ICE1: variants seen among roughly 807,000 people sequenced by gnomAD.
The protein encoded by ICE1 is little elongation complex subunit 1.
In ICE1, 64 loss-of-function variants were observed where a neutral mutation model predicts 192.7. The observed-to-expected ratio is 0.33, with a 90% CI of 0.27 to 0.41. The LOEUF (loss-of-function observed/expected upper bound fraction) is 0.41, where lower values mean the gene tolerates loss of function less well. Among genes scored for constraint, ICE1 ranks in the 10% least tolerant of loss-of-function variants. The pLI is 1.00. For missense variants in ICE1, 2,708 were observed against 2,696.0 expected (o/e 1.00, Z -0.10); for synonymous variants, 1,010 against 984.5 (o/e 1.03, Z -0.49).
chr5:5,452,220 G>A (rs181307077), intron 10 of ICE1, among the ~76,000 whole-genome samples: 45 of 133,020 alleles, frequency 3.4e-4, no homozygotes, highest in Non-Finnish European at 4.9e-4. Context: ...CAGAATAAAT[G>A]CAGAAGAGTA....
intron 11 of ICE1, among the ~76,000 whole-genome samples, chr5:5,455,339 G>C (rs1382911833): frequency 6.6e-6 from 1 of 152,166 alleles, no homozygotes; most frequent in Non-Finnish European, 1.5e-5. Flanking sequence ...ATTTGATGGG[G>C]TTTCTTTAAG....
At chr5:5,457,180 T>TA (rs1738610686) in intron 11 of ICE1, among the ~76,000 whole-genome samples, 152 bp from the exon 12 acceptor site, 1 of 152,236 alleles carries the variant, frequency 6.6e-6, no homozygotes, top group Non-Finnish European at 1.5e-5. Context: ...GGATAATGTT[T>TA]AGAAAGCGAT....
chr5:5,448,530 G>GT (rs1239965335), intron 10 of ICE1, among the ~76,000 whole-genome samples: 1 of 151,864 alleles, frequency 6.6e-6, no homozygotes, highest in Non-Finnish European at 1.5e-5. Context: ...TCCTTTTTTT[G>GT]TATTTTCATT....
intron 18 of ICE1, among the ~76,000 whole-genome samples, chr5:5,487,775 C>T (rs968042389): frequency 1.3e-5 from 2 of 152,320 alleles, no homozygotes; most frequent in South Asian, 2.1e-4. Context: ...CTGTGGTAAT[C>T]CTCGTCCCCA....
chr5:5,459,056 G>C (rs1199634321), intron 12 of ICE1, among the ~76,000 whole-genome samples: 1 of 152,082 alleles, frequency 6.6e-6, no homozygotes, highest in Non-Finnish European at 1.5e-5. Flanking sequence ...TGCATTTTCA[G>C]TAGAGATGGG....
intron 10 of ICE1, among the ~76,000 whole-genome samples, chr5:5,450,530 C>CT (rs1187629756): frequency 6.6e-6 from 1 of 152,148 alleles, no homozygotes; most frequent in East Asian, 1.9e-4. Context: ...CAGAAGGGAA[C>CT]TTTCCTGAGC....
intron 17 of ICE1, 29 bp downstream of exon 17, chr5:5,476,108 T>A (rs1369931975): frequency 3.7e-6 from 5 of 1,344,538 alleles, no homozygotes; most frequent in Non-Finnish European, 5.1e-6. Flanking sequence ...TATTGTTTTT[T>A]TCTTGTTATT....
At chr5:5,453,143 G>C (rs186151357) in intron 10 of ICE1, among the ~76,000 whole-genome samples, 1 of 151,832 alleles carries the variant, frequency 6.6e-6, no homozygotes, top group Admixed American at 6.6e-5. Context: ...TTGGGTATAC[G>C]TAATAAGCAG....
chr5:5,487,970 G>A (rs1190462507), intron 18 of ICE1, among the ~76,000 whole-genome samples: 1 of 152,222 alleles, frequency 6.6e-6, no homozygotes, highest in East Asian at 1.9e-4. Flanking sequence ...GCTAGGAAGT[G>A]CCATCCCTGC....
intron 17 of ICE1, among the ~76,000 whole-genome samples, chr5:5,476,482 T>C (rs994600707): frequency 9.2e-5 from 14 of 152,224 alleles, no homozygotes; most frequent in African/African-American, 3.1e-4. Flanking sequence ...GAGGTTTCAT[T>C]GGCTTCCAGT....
Position 5,461,324 on chromosome 5 carries a change from T to C in ICE1, c.1990T>C (p.Phe664Leu), listed in dbSNP as rs1243080154. 6.2e-7 allele frequency: 1 copy of C among 1,613,972 alleles called. No homozygotes were observed. Residue 664 changes from phenylalanine (F) to leucine (L), a missense_variant, in exon 13 of 19, where the codon TTC (phenylalanine) becomes CTC (leucine). Phe to Leu is a conservative substitution (Grantham distance 22). Transcript: ENST00000296564. ...TGATACAGATATTACTACTAAAGTA[T>C]TCTCTACTGAACCGCATCATTCAGA... ...GNDTDITTKV[F>L]STEPHHSEHK...
intron 12 of ICE1, among the ~76,000 whole-genome samples, chr5:5,458,627 A>T (rs890730414): frequency 4.6e-5 from 7 of 152,160 alleles, no homozygotes; most frequent in Non-Finnish European, 1.0e-4. Context: ...ATGTAGAAGC[A>T]AGGGTGAGCT....
intron 10 of ICE1, among the ~76,000 whole-genome samples, chr5:5,449,173 TG>T (rs925803822): frequency 5.3e-5 from 8 of 152,344 alleles, no homozygotes; most frequent in African/African-American, 1.9e-4. Context: ...AATTGTTTTA[TG>T]TTTTGTTTTT....
At chr5:5,441,743 T>G (rs902800186) in intron 5 of ICE1, among the ~76,000 whole-genome samples, 1 of 152,210 alleles carries the variant, frequency 6.6e-6, no homozygotes, top group Non-Finnish European at 1.5e-5. Context: ...ATTCATAAAC[T>G]AGTCAATATT....
Position 5,460,586 on chromosome 5 carries a change from GA to G in ICE1, c.1256del (p.Lys419SerfsTer11). On this transcript the variant is annotated frameshift_variant, in exon 13 of 19. Coordinates refer to ENST00000296564, the MANE Select transcript of ICE1 (RefSeq NM_015325.3). LOFTEE classifies it high-confidence loss of function. ...RKNKGSGTWE[E>X]KPKSHEAIQA... is the part of the protein sequence containing the mutation. ...AAATAAAGGAAGTGGCACATGGGAG[GA>G]AAAGCCCAAATCACATGAAGCTATC... 1 of 1,613,178 alleles carries G rather than the reference GA, an allele frequency of 6.2e-7. No homozygotes were observed. Among genetic ancestry groups the G allele is most frequent in the South Asian group, 1.1e-5 (1 of 90,868 alleles).
In ICE1 at chr5:5,462,965, A is replaced by T; in HGVS notation, c.3631A>T (p.Lys1211Ter). Reference sequence around the variant, plus strand: ...AAGTAAAGAAATGAACAAAGAATTAAAGGCAAGTGAAATAGGAGAAAAATA... The same window carrying T: ...AAGTAAAGAAATGAACAAAGAATTATAGGCAAGTGAAATAGGAGAAAAATA... ...TLSKEMNKELKASEIGEKYRK... is the reference protein window; with the variant it reads ...TLSKEMNKEL Residue 1211 changes from lysine (K) to a stop codon, truncating the protein, a stop_gained, in exon 13 of 19, where the codon AAG (lysine) becomes TAG (stop). Coordinates refer to ENST00000296564, the MANE Select transcript of ICE1 (RefSeq NM_015325.3). LOFTEE classifies it high-confidence loss of function. The T allele has an allele frequency of 6.2e-7, 1 of 1,613,118 alleles. No individual in the cohort carries two copies. The highest frequency in any genetic ancestry group is 8.5e-7 in the Non-Finnish European group (1 of 1,179,524).
intron 1 of ICE1, among the ~76,000 whole-genome samples, chr5:5,426,952 A>G (rs1210195184): frequency 2.0e-5 from 3 of 152,224 alleles, no homozygotes; most frequent in Admixed American, 1.3e-4. Context: ...CATAGGAGTC[A>G]GTCTTTCCAA....
intron 17 of ICE1, among the ~76,000 whole-genome samples, chr5:5,479,530 TGTG>T (rs1291128364): frequency 3.9e-5 from 6 of 152,200 alleles, no homozygotes; most frequent in African/African-American, 1.2e-4. Context: ...TGGAAGACAG[TGTG>T]GTGATTCTCA....
rs138091787 is a variant in ICE1 at position 5,426,806 on chromosome 5, G to A, written c.84+3807G>A. Among the ~76,000 whole-genome samples, 214 of 152,296 alleles carry A rather than the reference G, an allele frequency of 1.4e-3. 2 individuals carry two copies. In the East Asian group the frequency reaches 0.035, roughly 25 times the overall value. ...TAACCGCTTTTTGGAAATAATTTTC[G>A]CATGTATTATAACTACGTGAAGTTC... On this transcript the variant is annotated intron_variant, in intron 1 of 18. Transcript: ENST00000296564.
Sources: allele counts gnomAD v4.1 joint callset (sites outside exome capture counted in the v4.1 genomes callset), GRCh38; gene constraint gnomAD v4.1.1; transcripts MANE v1.5; gene names NCBI Gene and HGNC (gene_info 2026-07-23, HGNC 2026-07-21).